MNAT1: variants seen among roughly 807,000 people sequenced by gnomAD.
MNAT1 encodes the protein MNAT1 component of CDK activating kinase.
MNAT1 carries 43 observed loss-of-function variants against 42.0 expected under a neutral mutation model. The observed-to-expected ratio is 1.02, with a 90% CI of 0.80 to 1.32. The LOEUF is 1.32. MNAT1 is among the 40% of genes most tolerant of loss of function. The probability of loss-of-function intolerance (pLI) is 0.00; values close to 1 mark genes in which losing one functional copy is unlikely to be tolerated. For synonymous variants in MNAT1, 118 were observed against 120.0 expected, an observed-to-expected ratio of 0.98 and a Z score of 0.11; for missense variants, 306 against 350.4, an observed-to-expected ratio of 0.87 and a Z score of 1.01.
At chr14:60,885,200 G>T (rs1181354074) in intron 7 of MNAT1, among the ~76,000 whole-genome samples, 1 of 151,620 alleles carries the variant, frequency 6.6e-6, no homozygotes, top group Non-Finnish European at 1.5e-5. Flanking sequence ...TAACCTTCTT[G>T]TACTTGAATA....
At chr14:60,938,397 T>A (rs2036057775) in intron 7 of MNAT1, among the ~76,000 whole-genome samples, 1 of 152,164 alleles carries the variant, frequency 6.6e-6, no homozygotes, top group Non-Finnish European at 1.5e-5. Flanking sequence ...TTGAGATATG[T>A]CCCATCAATA....
intron 7 of MNAT1, among the ~76,000 whole-genome samples, chr14:60,889,096 T>A (rs1268678732): frequency 6.7e-6 from 1 of 148,660 alleles, no homozygotes; most frequent in Non-Finnish European, 1.5e-5. Context: ...TGGAAAAAAC[T>A]TACTTTAAAG....
At chr14:60,963,212 C>T (rs1157169069) in intron 7 of MNAT1, among the ~76,000 whole-genome samples, 3 of 152,112 alleles carry the variant, frequency 2.0e-5, no homozygotes, top group African/African-American at 7.2e-5. Flanking sequence ...GAACTCCTGA[C>T]CTCGTGATCT....
At chr14:60,948,639 G>A (rs1269446676) in intron 7 of MNAT1, among the ~76,000 whole-genome samples, 1 of 152,066 alleles carries the variant, frequency 6.6e-6, no homozygotes, top group Non-Finnish European at 1.5e-5. Context: ...CGGGTGACCA[G>A]TTCTCTTATC....
rs549705100 is a variant in MNAT1 at position 60,788,561 on chromosome 14, A to G, written c.90-7656A>G. On this transcript the variant is annotated intron_variant, in intron 1 of 7. Coordinates refer to ENST00000261245, the MANE Select transcript of MNAT1 (RefSeq NM_002431.4). ...GAAGTCCTAGACGGCATCTTCCAAT[A>G]GAAGGATGTTTCATCTGCATTGAAA... Among the ~76,000 whole-genome samples, 8 of 152,314 alleles carry G rather than the reference A, an allele frequency of 5.3e-5. No individual in the cohort carries two copies. The South Asian group carries it at 1.7e-3, about 32-fold the overall frequency.
Position 60,734,821 on chromosome 14 carries a change from C to G in MNAT1, c.-42C>G, listed in dbSNP as rs749966150. 6.2e-7 allele frequency: 1 copy of G among 1,600,200 alleles called. No homozygotes were observed. Among genetic ancestry groups the G allele is most frequent in the South Asian group, 1.1e-5 (1 of 90,636 alleles). ...TGAGGGGGCTTGTAGGTGGCTCTGG[C>G]TGAAACAGGCGCCTGCGAGAGTCTG... On this transcript the variant is annotated 5_prime_UTR_variant, in exon 1 of 8. Coordinates refer to ENST00000261245, the MANE Select transcript of MNAT1 (RefSeq NM_002431.4). This position sits in a 1 kb window ranked among gnomAD's most constrained non-coding sequence, Gnocchi z 4.3.
Position 60,882,411 on chromosome 14 carries a change from C to A in MNAT1, c.809+2576C>A, listed in dbSNP as rs557792786. ...TGTATGTTGTTTCAAATGACAGGAT[C>A]GCATACCTTTTTTATGGCTGAATAA... On this transcript the variant is annotated intron_variant, in intron 7 of 7. Coordinates refer to ENST00000261245, the MANE Select transcript of MNAT1 (RefSeq NM_002431.4). Among the ~76,000 whole-genome samples, 18 of 152,206 alleles carry A rather than the reference C, an allele frequency of 1.2e-4. No homozygotes were observed. In the South Asian group the frequency reaches 3.7e-3, roughly 32 times the overall value.
At chr14:60,831,758 C>A (rs1196622130) in intron 6 of MNAT1, among the ~76,000 whole-genome samples, 2 of 152,220 alleles carry the variant, frequency 1.3e-5, no homozygotes, top group African/African-American at 4.8e-5. Context: ...GCCACACTGT[C>A]TTCCATAATG....
At chr14:60,932,994 A>G (rs1021936110) in intron 7 of MNAT1, among the ~76,000 whole-genome samples, 4 of 152,076 alleles carry the variant, frequency 2.6e-5, no homozygotes, top group Non-Finnish European at 4.4e-5. Flanking sequence ...GCCTGAGTTC[A>G]AATCTTGGCT....
At chr14:60,908,603 G>C (rs2035270732) in intron 7 of MNAT1, among the ~76,000 whole-genome samples, 1 of 151,996 alleles carries the variant, frequency 6.6e-6, no homozygotes, top group South Asian at 2.1e-4. Context: ...ATAGTTTGCT[G>C]AGAATGATGG....
At chr14:60,938,853 C>A (rs1165074775) in intron 7 of MNAT1, among the ~76,000 whole-genome samples, 2 of 152,064 alleles carry the variant, frequency 1.3e-5, no homozygotes, top group East Asian at 1.9e-4. Context: ...CTGTGAATCC[C>A]TCTGGTCCTG....
At chr14:60,908,144 C>T (rs1050236356) in intron 7 of MNAT1, among the ~76,000 whole-genome samples, 2 of 151,986 alleles carry the variant, frequency 1.3e-5, no homozygotes, top group African/African-American at 4.8e-5. Context: ...CCATTTTGTG[C>T]TTATAAATTG....
At chr14:60,741,864 G>C (rs187413972) in intron 1 of MNAT1, among the ~76,000 whole-genome samples, 291 of 151,776 alleles carry the variant, frequency 1.9e-3, no homozygotes, top group African/African-American at 6.4e-3. Context: ...CTACTTCACT[G>C]GGTCTTGCCA....
At chr14:60,744,562 T>C (rs1896560725) in intron 1 of MNAT1, among the ~76,000 whole-genome samples, 1 of 152,228 alleles carries the variant, frequency 6.6e-6, no homozygotes, top group Admixed American at 6.5e-5. Context: ...TTTTGTATTT[T>C]TGTGAAAAGT....
chr14:60,777,579 T>C (rs2031298574), intron 1 of MNAT1, among the ~76,000 whole-genome samples: 3 of 152,214 alleles, frequency 2.0e-5, no homozygotes, highest in South Asian at 2.1e-4. Context: ...TCATATTGGA[T>C]GTTTTTTTAA....
intron 7 of MNAT1, among the ~76,000 whole-genome samples, chr14:60,923,921 G>C (rs1262544459): frequency 2.0e-5 from 3 of 152,160 alleles, no homozygotes; most frequent in Admixed American, 2.0e-4. Context: ...GACAGAGCGA[G>C]ACTGTCTTAA....
chr14:60,905,814 T>G (rs776843092), intron 7 of MNAT1, among the ~76,000 whole-genome samples: 1 of 152,178 alleles, frequency 6.6e-6, no homozygotes, highest in Non-Finnish European at 1.5e-5. Context: ...CCATCCACAT[T>G]GGTGAGGGTG....
chr14:60,957,286 A>G (rs964694117), intron 7 of MNAT1, among the ~76,000 whole-genome samples: 9 of 152,206 alleles, frequency 5.9e-5, no homozygotes, highest in Admixed American at 2.6e-4. Context: ...TCATCCTGCT[A>G]ATAAAGATAT....
chr14:60,883,337 T>G (rs2034592173), intron 7 of MNAT1, among the ~76,000 whole-genome samples: 1 of 152,102 alleles, frequency 6.6e-6, no homozygotes, highest in South Asian at 2.1e-4. Context: ...AGAGATTTTC[T>G]TTTCCCAAAT....
Sources: gnomAD v4.1 joint callset for allele counts (sites outside exome capture counted in the v4.1 genomes callset) on GRCh38, gnomAD v4.1.1 for gene constraint, Gnocchi (gnomAD v3.1) non-coding constraint, MANE v1.5 for transcripts, NCBI Gene and HGNC (gene_info 2026-07-23, HGNC 2026-07-21) for gene names.